Variants in JADE3 observed in about 807,000 individuals in gnomAD.
JADE3 encodes protein Jade-3.
JADE3 carries 2 observed loss-of-function variants against 50.1 expected under a neutral mutation model. The ratio of observed to expected loss-of-function variants is 0.04; its 90% CI spans 0.02 to 0.13. The LOEUF is 0.13. Ranked by LOEUF, JADE3 falls within the 10% of genes least tolerant of loss-of-function variation. The probability of loss-of-function intolerance (pLI) is 1.00; values close to 1 mark genes in which losing one functional copy is unlikely to be tolerated. For synonymous variants in JADE3, 218 were observed against 232.9 expected, an observed-to-expected ratio of 0.94 and a Z score of 0.58; for missense variants, 475 against 634.4, an observed-to-expected ratio of 0.75 and a Z score of 2.70.
chrX:46,917,834 C>CCTCTCTCATCCTCTCT (rs1556336765), intron 1 of JADE3, among the ~76,000 whole-genome samples: 2 of 42,553 alleles, frequency 4.7e-5, no homozygotes, highest in East Asian at 1.4e-3. Context: ...TCTCTCTCAT[C>CCTCTCTCATCCTCTCT]CTCTCTCTCT....
intron 1 of JADE3, among the ~76,000 whole-genome samples, chrX:46,970,188 G>A (rs1472127898): frequency 1.8e-5 from 2 of 112,118 alleles, no homozygotes; most frequent in East Asian, 2.8e-4. Context: ...TGCTGGGGAG[G>A]CCAAATACAT....
At chrX:47,050,852 T>C (rs1929488996) in intron 8 of JADE3, among the ~76,000 whole-genome samples, 1 of 112,275 alleles carries the variant, frequency 8.9e-6, no homozygotes, top group East Asian at 2.8e-4. Context: ...AAGAGTACTG[T>C]GCCCAACACT....
At chrX:46,946,171 A>G (rs1311574256) in intron 1 of JADE3, among the ~76,000 whole-genome samples, 2 of 111,963 alleles carry the variant, frequency 1.8e-5, no homozygotes, top group African/African-American at 6.5e-5. Context: ...AGAATAATAT[A>G]AAGACTTTCT....
At chrX:47,028,810 G>C (rs1480220947) in intron 6 of JADE3, among the ~76,000 whole-genome samples, 1 of 111,015 alleles carries the variant, frequency 9.0e-6, no homozygotes, top group Non-Finnish European at 1.9e-5. Flanking sequence ...GGTTACTCAA[G>C]GTGCAGTGAT....
At chrX:46,988,994 C>T (rs1352484772) in intron 3 of JADE3, among the ~76,000 whole-genome samples, 5 of 111,661 alleles carry the variant, frequency 4.5e-5, no homozygotes, top group East Asian at 2.8e-4. Flanking sequence ...TGCCTGCCAC[C>T]GTGCCTGGGT....
At chrX:46,997,099 G>A (rs1556357601) in intron 3 of JADE3, among the ~76,000 whole-genome samples, 1 of 111,729 alleles carries the variant, frequency 9.0e-6, no homozygotes, top group Non-Finnish European at 1.9e-5. Flanking sequence ...TTAGGATGTT[G>A]ACACATACTT....
At chrX:47,051,721 C>T (rs1415547338) in intron 8 of JADE3, among the ~76,000 whole-genome samples, 1 of 109,883 alleles carries the variant, frequency 9.1e-6, no homozygotes, top group African/African-American at 3.3e-5. Context: ...CGATTGAACC[C>T]AGGAGGCAGA....
chrX:47,027,217 G>T (rs1361566592), intron 5 of JADE3, among the ~76,000 whole-genome samples: 2 of 112,251 alleles, frequency 1.8e-5, no homozygotes, highest in Admixed American at 9.5e-5. Flanking sequence ...GCTGAGAAAA[G>T]GAATCAGGAA....
chrX:46,991,314 C>A (rs1345456530), intron 3 of JADE3, among the ~76,000 whole-genome samples: 2 of 108,063 alleles, frequency 1.9e-5, no homozygotes, highest in South Asian at 4.2e-4. Context: ...GAACTCCCGA[C>A]CTCAGGTGAT....
intron 6 of JADE3, among the ~76,000 whole-genome samples, chrX:47,029,221 A>G (rs1187161940): frequency 8.9e-6 from 1 of 112,148 alleles, no homozygotes; most frequent in African/African-American, 3.2e-5. Context: ...CATCTGTGAG[A>G]AACGAGGGTC....
chrX:46,937,246 T>C (rs1926645955), intron 1 of JADE3, among the ~76,000 whole-genome samples: 2 of 112,172 alleles, frequency 1.8e-5, no homozygotes, highest in Non-Finnish European at 3.8e-5. Flanking sequence ...CTTCCTCTTA[T>C]GTCTCTGTTG....
chrX:47,022,428 C>T (rs1928815770), intron 4 of JADE3, among the ~76,000 whole-genome samples: 1 of 111,768 alleles, frequency 8.9e-6, no homozygotes, highest in Non-Finnish European at 1.9e-5. Flanking sequence ...AAATGTGTGT[C>T]GTTGTTATTA....
intron 1 of JADE3, among the ~76,000 whole-genome samples, chrX:46,913,953 C>T (rs1052114978): frequency 7.2e-5 from 8 of 110,673 alleles, no homozygotes; most frequent in African/African-American, 2.6e-4. Context: ...TCCCCCCTCC[C>T]GCCGTCTGAT....
intron 1 of JADE3, among the ~76,000 whole-genome samples, chrX:46,957,359 T>C (rs1244579932): frequency 2.7e-5 from 3 of 112,429 alleles, no homozygotes; most frequent in Admixed American, 9.4e-5. Context: ...ATATCTTAGA[T>C]CTTTTCATAT....
intron 1 of JADE3, among the ~76,000 whole-genome samples, chrX:46,956,758 TTTC>T (rs1927128228): frequency 9.1e-6 from 1 of 109,380 alleles, no homozygotes; most frequent in Non-Finnish European, 1.9e-5. Flanking sequence ...TTTTCTTTCT[TTTC>T]TTTCCTTTTC....
intron 1 of JADE3, among the ~76,000 whole-genome samples, chrX:46,928,802 A>C (rs1926430506): frequency 9.0e-6 from 1 of 111,007 alleles, no homozygotes; most frequent in African/African-American, 3.3e-5. Context: ...TTGTAGAGAC[A>C]GGGTCTCACT....
chrX:46,974,515 C>T (rs1174030925), intron 1 of JADE3, among the ~76,000 whole-genome samples: 2 of 111,994 alleles, frequency 1.8e-5, no homozygotes, highest in African/African-American at 6.5e-5. Context: ...AAATGTCTGT[C>T]TCTGATAATG....
At chrX:46,983,084 T>G (rs1190900245) in intron 1 of JADE3, among the ~76,000 whole-genome samples, 1 of 111,845 alleles carries the variant, frequency 8.9e-6, no homozygotes, top group Non-Finnish European at 1.9e-5. Flanking sequence ...GTTCCTGAGA[T>G]CTGTGTTTGA....
chrX:47,047,598 C>T (rs1400319287), intron 8 of JADE3, among the ~76,000 whole-genome samples: 2 of 110,317 alleles, frequency 1.8e-5, no homozygotes, highest in Non-Finnish European at 3.8e-5. Context: ...CATTTCATAC[C>T]TACTAGGGTG....
Sources: allele counts gnomAD v4.1 joint callset (sites outside exome capture counted in the v4.1 genomes callset), GRCh38; gene constraint gnomAD v4.1.1; transcripts MANE v1.5; gene names NCBI Gene and HGNC (gene_info 2026-07-23, HGNC 2026-07-21).